The following TMEM161A variants were observed in gnomAD, a reference collection of about 807,000 sequenced individuals.
TMEM161A encodes the protein transmembrane protein 161A.
A neutral mutation model predicts 57.1 loss-of-function variants in TMEM161A; 46 were observed. That is an observed-to-expected ratio of 0.81 (90% CI 0.64 to 1.03). The LOEUF (loss-of-function observed/expected upper bound fraction) is 1.03. Ranked by LOEUF, TMEM161A falls within the 50% of genes least tolerant of loss-of-function variation. The probability of loss-of-function intolerance (pLI) is 0.00; values close to 1 mark genes in which losing one functional copy is unlikely to be tolerated. For missense variants in TMEM161A, 601 were observed against 621.5 expected (o/e 0.97, Z 0.35); for synonymous variants, 288 against 279.0 (o/e 1.03, Z -0.32).
intron 6 of TMEM161A, among the ~76,000 whole-genome samples, chr19:19,124,748 A>G (rs748038092): frequency 1.7e-4 from 26 of 152,216 alleles, no homozygotes; most frequent in Non-Finnish European, 1.9e-4. Context: ...TGAGGTTAGG[A>G]GTTTGAGACC....
chr19:19,128,810 T>C (rs1023595056), intron 6 of TMEM161A, among the ~76,000 whole-genome samples: 1 of 152,130 alleles, frequency 6.6e-6, no homozygotes, highest in African/African-American at 2.4e-5. Context: ...AGTGCTGGGA[T>C]TACAGGCATG....
intron 2 of TMEM161A, among the ~76,000 whole-genome samples, chr19:19,134,065 T>TC (rs1186108778): frequency 6.6e-6 from 1 of 151,746 alleles, no homozygotes; most frequent in Non-Finnish European, 1.5e-5. Flanking sequence ...TGTTTTTTTT[T>TC]TTTGCCTTTG....
chr19:19,120,451 C>A (rs1329473303), intron 11 of TMEM161A, among the ~76,000 whole-genome samples: 2 of 151,898 alleles, frequency 1.3e-5, no homozygotes, highest in African/African-American at 4.8e-5. Context: ...AACCCCTCCC[C>A]AGGCTCCACC....
intron 6 of TMEM161A, among the ~76,000 whole-genome samples, chr19:19,125,535 T>TTG (rs1265665968): frequency 1.4e-5 from 2 of 145,692 alleles, no homozygotes; most frequent in African/African-American, 5.1e-5. Flanking sequence ...TTTTTTTTTT[T>TTG]AGACGGAGTC....
chr19:19,133,404 G>A (rs2146338120), intron 2 of TMEM161A, 194 bp from the exon 3 acceptor site: 1 of 570,754 alleles, frequency 1.8e-6, no homozygotes, highest in East Asian at 3.0e-5. Context: ...TGGGCTCCGG[G>A]GGCTTGGATA....
intron 1 of TMEM161A, among the ~76,000 whole-genome samples, chr19:19,137,718 G>A (rs1457311344): frequency 2.0e-5 from 3 of 152,154 alleles, no homozygotes; most frequent in Non-Finnish European, 2.9e-5. Flanking sequence ...GATGGTCCCA[G>A]GCAGAGACCC....
Position 19,120,978 on chromosome 19 carries a change from C to T in TMEM161A, c.1089+14G>A, listed in dbSNP as rs766647600. On this transcript the variant is annotated intron_variant, in intron 10 of 11. Transcript: ENST00000162044. ...CCAGGTTCCCTCTGGCCTAGGTCAT[C>T]GGGGCGTCCATACCCTCTGCTGGAT... is the stretch of plus-strand genomic sequence containing the variant. 1 of 1,606,302 alleles carries T rather than the reference C, an allele frequency of 6.2e-7. No individual in the cohort carries two copies. The highest frequency in any genetic ancestry group is 8.5e-7 in the Non-Finnish European group (1 of 1,175,750).
At chr19:19,128,006 T>C (rs1296760438) in intron 6 of TMEM161A, among the ~76,000 whole-genome samples, 2 of 152,112 alleles carry the variant, frequency 1.3e-5, no homozygotes, top group African/African-American at 4.8e-5. Context: ...TTGTGCTAAC[T>C]GAAATGAGCA....
At chr19:19,135,381 G>GTAGCTCCTTCCCCT (rs1451500893) in intron 1 of TMEM161A, among the ~76,000 whole-genome samples, 6 of 151,930 alleles carry the variant, frequency 3.9e-5, no homozygotes, top group Non-Finnish European at 8.8e-5. Flanking sequence ...CCTTCACCTG[G>GTAGCTCCTTCCCCT]TAGCTCCTTC....
At chr19:19,130,945 G>A (rs998373192) in intron 5 of TMEM161A, among the ~76,000 whole-genome samples, 3 of 142,312 alleles carry the variant, frequency 2.1e-5, no homozygotes, top group Non-Finnish European at 4.6e-5. Context: ...CAGGCCAGGC[G>A]CAGTGGCTCA....
intron 6 of TMEM161A, among the ~76,000 whole-genome samples, chr19:19,126,003 C>T (rs1490231427): frequency 1.3e-5 from 2 of 151,486 alleles, no homozygotes; most frequent in South Asian, 2.1e-4. Flanking sequence ...CGGTGGCTCG[C>T]GCCTGTAATC....
chr19:19,138,474 C>T lies in TMEM161A; in HGVS notation c.-46G>A. 1 of 1,580,980 alleles carries T rather than the reference C, an allele frequency of 6.3e-7. No homozygotes were observed. Among genetic ancestry groups the T allele is most frequent in the South Asian group, 1.2e-5 (1 of 86,918 alleles). On this transcript the variant is annotated 5_prime_UTR_variant, in exon 1 of 12. Coordinates refer to ENST00000162044, the MANE Select transcript of TMEM161A (RefSeq NM_017814.3). ...GCACTCACCCACCGGCCTAGGGCTC[C>T]GGGCACTCTGCGGAAACTCGACCAA...
At position 19,130,184 on chromosome 19, in the gene TMEM161A, C is replaced by G. The variant is rs780783530; in HGVS notation, c.567G>C (p.Glu189Asp). The part of the protein sequence containing the change: ...LLAMLVQVVR[E>D]ETLELGLEPG... ...GCTCCAGGCCCAGCTCGAGGGTCTCCTCCCGCACCACTTGCACCAGCATGG... is the reference window on the plus strand; with the variant it reads ...GCTCCAGGCCCAGCTCGAGGGTCTCGTCCCGCACCACTTGCACCAGCATGG... Residue 189 changes from glutamate to aspartate, a missense_variant, in exon 6 of 12, where the codon GAG becomes GAC. By Grantham distance (45) the Glu-to-Asp change is conservative. Transcript: ENST00000162044. 22 of 1,613,688 alleles carry G rather than the reference C, an allele frequency of 1.4e-5. No individual in the cohort carries two copies. In the African/African-American group the frequency reaches 2.9e-4, roughly 22 times the overall value.
rs1378006356 is a variant in TMEM161A at position 19,121,281 on chromosome 19, T to TACCTCCTAGCCCCACCC, written c.914+10_914+26dup. On this transcript the variant is annotated intron_variant, in intron 9 of 11. Transcript: ENST00000162044. The surrounding 1 kb of genome is among the most constrained non-coding windows in gnomAD (Gnocchi z 5.8). ...CTAGGGCACCCAGGGGAGCCCCAGC[T>TACCTCCTAGCCCCACCC]ACCTCCTAGCCCCACCCAATACGCA... is the stretch of plus-strand genomic sequence containing the variant. 4 of 1,553,914 alleles carry TACCTCCTAGCCCCACCC rather than the reference T, an allele frequency of 2.6e-6. No homozygotes were observed. The highest frequency in any genetic ancestry group is 3.5e-6 in the Non-Finnish European group (4 of 1,148,174).
In TMEM161A at chr19:19,132,419, TGTA is replaced by T. The variant is rs761820880; in HGVS notation, c.373_375del (p.Tyr125del). 2.3e-5 allele frequency: 37 copies of T among 1,613,966 alleles called. No homozygotes were observed. The highest frequency in any genetic ancestry group is 3.0e-5 in the Non-Finnish European group (35 of 1,180,024). ...TTAGTCTCCTTGGCTGGTCCCAGCA[TGTA>T]GTAGTAGGCCTCTGTGAAGAGGTAC... On this transcript the variant is annotated inframe_deletion, in exon 5 of 12. Transcript: ENST00000162044. This position sits in a 1 kb window ranked among gnomAD's most constrained non-coding sequence, Gnocchi z 4.3.
Position 19,132,457 on chromosome 19 carries a change from G to A in TMEM161A, c.338C>T (p.Ser113Leu), listed in dbSNP as rs747541843. The A allele has an allele frequency of 8.7e-6, 14 of 1,614,020 alleles. No homozygotes were observed. The highest frequency in any genetic ancestry group is 2.2e-5 in the East Asian group (1 of 44,898). The part of the protein sequence containing the change: ...YQWFVDFAVY[S>L]GGVYLFTEAY... ...CTCTGTGAAGAGGTACACGCCGCCC[G>A]AGTACACAGCAAAGTCCACAAACCA... The change falls in exon 5 of 12, where the codon TCG (serine) becomes TTG (leucine). Residue 113 changes from serine (S) to leucine (L), a missense_variant. By Grantham distance (145) the Ser-to-Leu change is moderately radical. Coordinates refer to ENST00000162044, the MANE Select transcript of TMEM161A (RefSeq NM_017814.3). The surrounding 1 kb of genome is among the most constrained non-coding windows in gnomAD (Gnocchi z 4.3).
Position 19,130,261 on chromosome 19 carries a change from C to A in TMEM161A, c.490G>T (p.Gly164Trp), listed in dbSNP as rs148769194. The change falls in exon 6 of 12, where the codon GGG (glycine) becomes TGG (tryptophan). Residue 164 changes from glycine to tryptophan, a missense_variant. Transcript: ENST00000162044. ...VTRLYFSAEE[G>W]GERSVCLTFA... is the part of the protein sequence containing the mutation. Reference sequence around the variant, plus strand: ...GTGAGGCAGACAGAGCGCTCACCCCCCTCCTCGGCGCTGAAGTACAGCCGT... The same window carrying A: ...GTGAGGCAGACAGAGCGCTCACCCCACTCCTCGGCGCTGAAGTACAGCCGT... 59 of 1,613,770 alleles carry A rather than the reference C, an allele frequency of 3.7e-5. No homozygotes were observed. Among genetic ancestry groups the A allele is most frequent in the South Asian group, 2.1e-4 (19 of 91,090 alleles).
chr19:19,132,220 G>A lies in TMEM161A; in HGVS notation c.443+132C>T, dbSNP rs545717132. The A allele has an allele frequency of 2.3e-5, 25 of 1,088,456 alleles. No individual in the cohort carries two copies. In the East Asian group the frequency reaches 4.9e-4, roughly 21 times the overall value. 67.4% of individuals were successfully genotyped at this position (1,088,456 alleles called of 1,614,324 possible). On this transcript the variant is annotated intron_variant, in intron 5 of 11. Coordinates refer to ENST00000162044, the MANE Select transcript of TMEM161A (RefSeq NM_017814.3). This position sits in a 1 kb window ranked among gnomAD's most constrained non-coding sequence, Gnocchi z 4.3. ...CAGAGCTGGAGCACATAAAATGTCTGCTTCATGTCACTAAGCTTGGGGAAG... is the reference window on the plus strand; with the variant it reads ...CAGAGCTGGAGCACATAAAATGTCTACTTCATGTCACTAAGCTTGGGGAAG...
At chr19:19,130,548 G>C (rs2059953674) in intron 5 of TMEM161A, 1 of 533,310 alleles carries the variant, frequency 1.9e-6, no homozygotes, top group Non-Finnish European at 3.4e-6. Context: ...CTCCCGCCCT[G>C]GGTGACCCTG....
Sources: allele counts gnomAD v4.1 joint callset (sites outside exome capture counted in the v4.1 genomes callset), GRCh38; gene constraint gnomAD v4.1.1; non-coding constraint Gnocchi (gnomAD v3.1); transcripts MANE v1.5; gene names NCBI Gene and HGNC (gene_info 2026-07-23, HGNC 2026-07-21).